Variants in RAF1 observed in about 807,000 individuals in gnomAD.
RAF1 encodes the protein RAF proto-oncogene serine/threonine-protein kinase.
Under a neutral mutation model 81.1 loss-of-function variants are expected in RAF1, and 27 were observed. The observed-to-expected ratio is 0.33, with a 90% CI of 0.25 to 0.46. The LOEUF (loss-of-function observed/expected upper bound fraction) is 0.46, where lower values mean the gene tolerates loss of function less well. Among genes scored for constraint, RAF1 ranks in the 20% least tolerant of loss-of-function variants. The pLI, the probability that RAF1 is intolerant of heterozygous loss-of-function variation, is 1.00. For synonymous variants in RAF1, 298 were observed against 294.0 expected, an observed-to-expected ratio of 1.01 and a Z score of -0.14; for missense variants, 598 against 826.0, an observed-to-expected ratio of 0.72 and a Z score of 3.38.
At chr3:12,611,299 C>T (rs1319825593) in intron 3 of RAF1, among the ~76,000 whole-genome samples, 1 of 151,984 alleles carries the variant, frequency 6.6e-6, no homozygotes, top group East Asian at 1.9e-4. Context: ...CTCACTGCAG[C>T]CTCAAGCCCC....
chr3:12,632,316 C>T, intron 1 of RAF1, among the ~76,000 whole-genome samples: 1 of 114,846 alleles, frequency 8.7e-6, no homozygotes, highest in East Asian at 2.6e-4. Flanking sequence ...AAGGGCAAAA[C>T]TCCGTCTCAA....
chr3:12,653,476 T>G (rs538626688), intron 1 of RAF1, among the ~76,000 whole-genome samples: 1 of 152,170 alleles, frequency 6.6e-6, no homozygotes, highest in African/African-American at 2.4e-5. Flanking sequence ...CTGGGCACAT[T>G]GGCTCATTCC....
intron 6 of RAF1, among the ~76,000 whole-genome samples, chr3:12,605,198 C>T (rs2058984919): frequency 6.7e-6 from 1 of 149,226 alleles, no homozygotes; most frequent in African/African-American, 2.5e-5. Flanking sequence ...AGATATGCTG[C>T]GTTTAATATT....
At chr3:12,626,620 ATTG>A (rs1240171670) in intron 1 of RAF1, among the ~76,000 whole-genome samples, 8 of 151,926 alleles carry the variant, frequency 5.3e-5, no homozygotes, top group Non-Finnish European at 1.0e-4. Flanking sequence ...AAAAAAGAAT[ATTG>A]TTAAGTATGT....
intron 6 of RAF1, among the ~76,000 whole-genome samples, chr3:12,605,448 T>C (rs1037515690): frequency 6.6e-6 from 1 of 152,034 alleles, no homozygotes; most frequent in Non-Finnish European, 1.5e-5. Flanking sequence ...ACCCAGTTTT[T>C]TGTATTTTTA....
intron 1 of RAF1, among the ~76,000 whole-genome samples, chr3:12,654,769 A>G (rs138247527): frequency 0.011 from 1,012 of 94,314 alleles, 11 homozygotes; most frequent in African/African-American, 0.032. Flanking sequence ...TACATAATGT[A>G]TCCCTTTGAA....
intron 1 of RAF1, among the ~76,000 whole-genome samples, chr3:12,624,896 A>C (rs74948016): frequency 3.8e-5 from 5 of 130,504 alleles, no homozygotes; most frequent in Admixed American, 7.8e-5. Context: ...AAAAAAAAAA[A>C]AAAAAACAAA....
rs200235582 is a variant in RAF1, at chr3:12,584,619, C to T, written c.1902G>A (p.Pro634=). 1.1e-5 allele frequency: 18 copies of T among 1,614,016 alleles called. No homozygotes were observed. Among genetic ancestry groups the T allele is most frequent in the Non-Finnish European group, 1.4e-5 (17 of 1,179,944 alleles). The change falls in exon 18 of 18, where the codon CCG becomes CCA. Residue 634 remains proline (P), a synonymous_variant. Coordinates refer to ENST00000442415, the MANE Select transcript of RAF1 (RefSeq NM_001354689.3). ...GCTCGGAAGCGCTCCGGTTGATCTT[C>T]GGTAGAGAGTGTTGGAGCAGCTCAA...
chr3:12,609,173 T>A (rs2125419193), intron 4 of RAF1, 60 bp downstream of exon 4: 2 of 1,306,210 alleles, frequency 1.5e-6, no homozygotes, highest in Non-Finnish European at 2.2e-6. Context: ...ACCTGAGAAA[T>A]CTCTGTTATG....
intron 1 of RAF1, among the ~76,000 whole-genome samples, chr3:12,621,372 T>G (rs894887901): frequency 6.6e-6 from 1 of 152,204 alleles, no homozygotes; most frequent in Non-Finnish European, 1.5e-5. Flanking sequence ...AACCTTGTTT[T>G]CAACCAAAAG....
Position 12,618,611 on chromosome 3 carries a change from G to A in RAF1, c.111C>T (p.Gly37=), listed in dbSNP as rs2059449961. 6.2e-7 allele frequency: 1 copy of A among 1,614,154 alleles called. No individual in the cohort carries two copies. Among genetic ancestry groups the A allele is most frequent in the Non-Finnish European group, 8.5e-7 (1 of 1,180,020 alleles). ...CATCATCTGATGCCCGGCGCTGATA[G>A]CCAAACTGCTGAACTATTGTAGGAG... Residue 37 remains glycine, a synonymous_variant, in exon 2 of 18, where the codon GGC becomes GGT. Transcript: ENST00000442415.
chr3:12,662,047 C>T (rs571638888), intron 1 of RAF1, among the ~76,000 whole-genome samples: 15 of 151,742 alleles, frequency 9.9e-5, no homozygotes, highest in Non-Finnish European at 1.3e-4. Context: ...AAAGTTCTGC[C>T]TGGCCAGTGG....
intron 10 of RAF1, 34 bp downstream of exon 9, chr3:12,600,118 C>G: frequency 1.2e-6 from 2 of 1,613,588 alleles, no homozygotes; most frequent in South Asian, 1.1e-5. Context: ...TTACTGAACC[C>G]TAATTGGCAG....
In RAF1 at chr3:12,630,831, G is replaced by T. The variant is rs189944574; in HGVS notation, c.-26-12084C>A. Among the ~76,000 whole-genome samples, 864 of 152,246 alleles carry T rather than the reference G, an allele frequency of 5.7e-3. 4 individuals are homozygous for T. The highest frequency in any genetic ancestry group is 9.3e-3 in the Non-Finnish European group (635 of 68,006). On this transcript the variant is annotated intron_variant, in intron 1 of 17. Coordinates refer to ENST00000442415, the MANE Select transcript of RAF1 (RefSeq NM_001354689.3). ...TTAGATTTTTTCTTTTGGAGACAGGGTCTCACTTTGTCACCCAGAGGGAGT... is the reference window on the plus strand; with the variant it reads ...TTAGATTTTTTCTTTTGGAGACAGGTTCTCACTTTGTCACCCAGAGGGAGT...
At chr3:12,657,338 T>C (rs2060727921) in intron 1 of RAF1, among the ~76,000 whole-genome samples, 1 of 152,204 alleles carries the variant, frequency 6.6e-6, no homozygotes, top group African/African-American at 2.4e-5. Flanking sequence ...CATTTCCCTC[T>C]GTGAAAGGAA....
At chr3:12,653,059 A>T (rs1011683782) in intron 1 of RAF1, among the ~76,000 whole-genome samples, 1 of 152,172 alleles carries the variant, frequency 6.6e-6, no homozygotes, top group Admixed American at 6.6e-5. Flanking sequence ...ATGCGGGTAG[A>T]TCGCTTGAGG....
intron 13 of RAF1, chr3:12,588,323 T>C (rs961047519): frequency 2.0e-5 from 3 of 152,206 alleles, no homozygotes; most frequent in African/African-American, 7.2e-5. Context: ...ATGTATTATA[T>C]ACAGCCAAGC....
chr3:12,590,812 C>T lies in RAF1; in HGVS notation c.1416G>A (p.Thr472=), dbSNP rs766112769. The change falls in exon 13 of 18, where the codon ACG becomes ACA. Residue 472 remains threonine (T), a synonymous_variant. Transcript: ENST00000442415. ...CATCTACTCACTCCATTCCCTGAGC[C>T]GTCTGCCGGGCAATGTCAATTAGCT... 6 of 1,613,314 alleles carry T rather than the reference C, an allele frequency of 3.7e-6. No individual in the cohort carries two copies. Among genetic ancestry groups the T allele is most frequent in the East Asian group, 4.5e-5 (2 of 44,898 alleles).
intron 11 of RAF1, among the ~76,000 whole-genome samples, chr3:12,592,307 T>C (rs910240599): frequency 2.6e-5 from 4 of 152,152 alleles, no homozygotes; most frequent in Admixed American, 2.6e-4. Flanking sequence ...ATTTAGCAAC[T>C]ATTGAGGCTG....
Sources: allele counts gnomAD v4.1 joint callset (sites outside exome capture counted in the v4.1 genomes callset), GRCh38; gene constraint gnomAD v4.1.1; transcripts MANE v1.5; gene names NCBI Gene and HGNC (gene_info 2026-07-23, HGNC 2026-07-21).